KAT6B: variants seen among roughly 807,000 people sequenced by gnomAD.
KAT6B encodes the protein lysine acetyltransferase 6B, also known as histone acetyltransferase KAT6B.
In KAT6B, 10 loss-of-function variants were observed where a neutral mutation model predicts 187.5. That is an observed-to-expected ratio of 0.05 (90% CI 0.03 to 0.09). KAT6B has a LOEUF of 0.09. Ranked by LOEUF, KAT6B falls within the 10% of genes least tolerant of loss-of-function variation. The probability of loss-of-function intolerance (pLI) is 1.00; values close to 1 mark genes in which losing one functional copy is unlikely to be tolerated. For synonymous variants in KAT6B, 861 were observed against 926.8 expected, an observed-to-expected ratio of 0.93 and a Z score of 1.29; for missense variants, 1,952 against 2,558.9, an observed-to-expected ratio of 0.76 and a Z score of 5.12.
At chr10:74,911,828 T>C (rs1320798258) in intron 3 of KAT6B, among the ~76,000 whole-genome samples, 1 of 152,134 alleles carries the variant, frequency 6.6e-6, no homozygotes, top group Admixed American at 6.5e-5. Context: ...TTATTTATTT[T>C]TGTTATTATT....
intron 13 of KAT6B, among the ~76,000 whole-genome samples, chr10:75,017,955 A>G (rs1845098939): frequency 1.3e-5 from 2 of 152,230 alleles, no homozygotes; most frequent in South Asian, 2.1e-4. Context: ...GGCTCCTGGC[A>G]TAAGTGCCAG....
At chr10:75,004,694 C>T (rs1039846898) in intron 13 of KAT6B, among the ~76,000 whole-genome samples, 6 of 152,144 alleles carry the variant, frequency 3.9e-5, no homozygotes, top group African/African-American at 7.2e-5. Flanking sequence ...ATAGAAGAGA[C>T]GCATTTTTCC....
intron 3 of KAT6B, among the ~76,000 whole-genome samples, chr10:74,915,403 G>A (rs1288910868): frequency 6.6e-6 from 1 of 152,136 alleles, no homozygotes; most frequent in Non-Finnish European, 1.5e-5. Flanking sequence ...CAGAACCCCT[G>A]CCATACCTCT....
chr10:74,967,949 C>T (rs1841587705), intron 4 of KAT6B, among the ~76,000 whole-genome samples: 1 of 151,960 alleles, frequency 6.6e-6, no homozygotes, highest in Non-Finnish European at 1.5e-5. Context: ...TCATATGTGC[C>T]CATGATATAT....
At chr10:74,980,604 A>C (rs932891314) in intron 10 of KAT6B, among the ~76,000 whole-genome samples, 1 of 152,230 alleles carries the variant, frequency 6.6e-6, no homozygotes, top group Non-Finnish European at 1.5e-5. Flanking sequence ...AAATTTGTAC[A>C]TAAGTGCAAG....
chr10:74,826,920 GT>G (rs1264867449), intron 1 of KAT6B, 135 bp downstream of exon 1: 3 of 151,072 alleles, frequency 2.0e-5, no homozygotes, highest in Non-Finnish European at 4.4e-5. Context: ...GCCGCTCGGG[GT>G]CAGGCTGCCC....
chr10:74,875,089 G>A (rs1208698845), intron 3 of KAT6B, among the ~76,000 whole-genome samples: 4 of 152,218 alleles, frequency 2.6e-5, no homozygotes, highest in South Asian at 2.1e-4. Flanking sequence ...TTCTATGGGT[G>A]TGAGATACAT....
intron 3 of KAT6B, among the ~76,000 whole-genome samples, chr10:74,871,117 C>T (rs1021434577): frequency 2.1e-5 from 3 of 145,586 alleles, no homozygotes; most frequent in Admixed American, 1.4e-4. Context: ...CCTGACCTCA[C>T]GTGATCCACC....
intron 13 of KAT6B, among the ~76,000 whole-genome samples, chr10:75,004,926 G>C (rs1445533112): frequency 6.6e-6 from 1 of 152,046 alleles, no homozygotes; most frequent in Admixed American, 6.5e-5. Context: ...TGTTGCCCAG[G>C]CTGGTTTCCA....
intron 3 of KAT6B, among the ~76,000 whole-genome samples, chr10:74,920,071 G>GT (rs1437901786): frequency 6.6e-6 from 1 of 152,118 alleles, no homozygotes; most frequent in East Asian, 1.9e-4. Context: ...CATGGTGTTT[G>GT]TTTTTTCCTG....
At chr10:74,937,877 A>G (rs1230680182) in intron 3 of KAT6B, among the ~76,000 whole-genome samples, 1 of 152,242 alleles carries the variant, frequency 6.6e-6, no homozygotes, top group Non-Finnish European at 1.5e-5. Context: ...AGCAACCACT[A>G]CAATTACTAT....
At chr10:74,831,490 C>T (rs1840857840) in intron 1 of KAT6B, among the ~76,000 whole-genome samples, 1 of 152,212 alleles carries the variant, frequency 6.6e-6, no homozygotes. Flanking sequence ...CTCTTCTTGA[C>T]CCCAGCCTCA....
intron 3 of KAT6B, among the ~76,000 whole-genome samples, chr10:74,900,791 CG>C (rs1005663105): frequency 2.0e-5 from 3 of 152,170 alleles, no homozygotes; most frequent in African/African-American, 7.2e-5. Flanking sequence ...TACAAAACAG[CG>C]TAAGAATTAT....
chr10:74,986,096 C>G (rs940085164), intron 12 of KAT6B, among the ~76,000 whole-genome samples: 5 of 152,092 alleles, frequency 3.3e-5, no homozygotes, highest in African/African-American at 4.8e-5. Flanking sequence ...CTAAGTATCT[C>G]TGGCTGTTAG....
intron 3 of KAT6B, among the ~76,000 whole-genome samples, chr10:74,880,836 G>A (rs184582796): frequency 1.3e-5 from 2 of 151,998 alleles, no homozygotes; most frequent in Admixed American, 6.6e-5. Context: ...GGCTGGTCTC[G>A]AACTCCTGGG....
At chr10:74,996,249 G>A (rs1393485732) in intron 13 of KAT6B, among the ~76,000 whole-genome samples, 2 of 152,182 alleles carry the variant, frequency 1.3e-5, no homozygotes, top group Non-Finnish European at 2.9e-5. Flanking sequence ...CTCTTGCTGG[G>A]CTGTCAAGTT....
intron 3 of KAT6B, among the ~76,000 whole-genome samples, chr10:74,906,466 G>T (rs1846765520): frequency 6.6e-6 from 1 of 152,082 alleles, no homozygotes; most frequent in Non-Finnish European, 1.5e-5. Flanking sequence ...TTTGAAAGAT[G>T]TGCATATTTA....
intron 3 of KAT6B, among the ~76,000 whole-genome samples, chr10:74,894,233 C>T (rs1845836091): frequency 6.6e-6 from 1 of 152,144 alleles, no homozygotes; most frequent in Admixed American, 6.5e-5. Flanking sequence ...AGGCATGAGC[C>T]ACCACGCCCA....
At chr10:74,905,933 C>T (rs1846728955) in intron 3 of KAT6B, among the ~76,000 whole-genome samples, 1 of 152,108 alleles carries the variant, frequency 6.6e-6, no homozygotes, top group African/African-American at 2.4e-5. Flanking sequence ...TGTTGTTGCC[C>T]TTCTCACATT....
Sources: gnomAD v4.1 joint callset for allele counts (sites outside exome capture counted in the v4.1 genomes callset) on GRCh38, gnomAD v4.1.1 for gene constraint, MANE v1.5 for transcripts, NCBI Gene and HGNC (gene_info 2026-07-23, HGNC 2026-07-21) for gene names.